The following NOD1 variants were observed in gnomAD, a reference collection of about 807,000 sequenced individuals.
NOD1 encodes nucleotide-binding oligomerization domain-containing protein 1.
NOD1 carries 70 observed loss-of-function variants against 81.2 expected under a neutral mutation model. That is an observed-to-expected ratio of 0.86 (90% CI 0.71 to 1.05). The LOEUF is 1.05. Ranked by LOEUF, NOD1 falls within the 50% of genes least tolerant of loss-of-function variation. The probability of loss-of-function intolerance (pLI) is 0.00; values close to 1 mark genes in which losing one functional copy is unlikely to be tolerated. For missense variants in NOD1, 1,233 were observed against 1,228.0 expected, an observed-to-expected ratio of 1.00 and a Z score of -0.06; for synonymous variants, 508 against 526.9, an observed-to-expected ratio of 0.96 and a Z score of 0.49.
chr7:30,425,656 C>T lies in NOD1; in HGVS notation c.2844G>A (p.Lys948=), dbSNP rs1783380398. 6.2e-7 allele frequency: 1 copy of T among 1,613,236 alleles called. No homozygotes were observed. The highest frequency in any genetic ancestry group is 8.5e-7 in the Non-Finnish European group (1 of 1,179,224). ...CATCCTCTCAGAAACAGATAATCCG[C>T]TTCTCATCTTCATAGACTTTGGCCT... The part of the protein sequence containing the change: ...PEEAKVYEDE[K]RIICF Residue 948 remains lysine, a synonymous_variant, in exon 14 of 14, where the codon AAG becomes AAA. Transcript: ENST00000222823.
chr7:30,453,082 G>C, intron 5 of NOD1, 42 bp from the exon 6 acceptor site: 2 of 1,562,040 alleles, frequency 1.3e-6, no homozygotes, highest in Non-Finnish European at 1.7e-6. Context: ...AGGGTGAGGA[G>C]AGAGGCAGAA....
At chr7:30,458,149 T>C (rs1018454049) in intron 3 of NOD1, among the ~76,000 whole-genome samples, 3 of 152,138 alleles carry the variant, frequency 2.0e-5, no homozygotes, top group Admixed American at 2.0e-4. Flanking sequence ...TAAAAAACAT[T>C]TGGGTTCATC....
chr7:30,458,510 A>G (rs1029293568), intron 3 of NOD1, among the ~76,000 whole-genome samples: 4 of 152,210 alleles, frequency 2.6e-5, no homozygotes, highest in Non-Finnish European at 4.4e-5. Flanking sequence ...CAAGTGGCAC[A>G]TGAGTCTCCT....
chr7:30,428,381 A>G (rs1017741310), intron 13 of NOD1: 1 of 152,014 alleles, frequency 6.6e-6, no homozygotes, highest in Non-Finnish European at 1.5e-5. Context: ...TTTTTAAAAA[A>G]AAACCTTTTG....
chr7:30,470,648 T>A (rs1164972225), intron 1 of NOD1, among the ~76,000 whole-genome samples: 3 of 152,240 alleles, frequency 2.0e-5, no homozygotes, highest in Admixed American at 2.0e-4. Flanking sequence ...AGAGCCCAGC[T>A]GTCAATGTCA....
At chr7:30,475,499 T>C (rs1788675722) in intron 1 of NOD1, among the ~76,000 whole-genome samples, 1 of 152,208 alleles carries the variant, frequency 6.6e-6, no homozygotes. Flanking sequence ...GAGAGTAACT[T>C]TTAATTTCCA....
intron 5 of NOD1, among the ~76,000 whole-genome samples, chr7:30,453,913 T>C (rs1323489566): frequency 6.6e-6 from 1 of 152,256 alleles, no homozygotes; most frequent in Non-Finnish European, 1.5e-5. Context: ...GTCTTTTGTG[T>C]GAGACTGCTT....
At chr7:30,461,634 C>T (rs1247330433) in intron 1 of NOD1, among the ~76,000 whole-genome samples, 2 of 152,254 alleles carry the variant, frequency 1.3e-5, no homozygotes, top group Non-Finnish European at 2.9e-5. Context: ...CTCAAGTGGA[C>T]AGTGCCACTC....
At chr7:30,472,437 G>A (rs1360224984) in intron 1 of NOD1, among the ~76,000 whole-genome samples, 1 of 152,328 alleles carries the variant, frequency 6.6e-6, no homozygotes, top group African/African-American at 2.4e-5. Context: ...CCTAATTCTA[G>A]TTCTGCTCTG....
intron 13 of NOD1, among the ~76,000 whole-genome samples, chr7:30,426,804 G>T (rs1783496103): frequency 1.3e-5 from 2 of 151,930 alleles, no homozygotes; most frequent in Non-Finnish European, 2.9e-5. Context: ...ACTCCCTCCT[G>T]CCCCAGACCC....
intron 9 of NOD1, among the ~76,000 whole-genome samples, chr7:30,439,164 G>A (rs1784647547): frequency 6.6e-6 from 1 of 152,188 alleles, no homozygotes; most frequent in Non-Finnish European, 1.5e-5. Context: ...GTGGAAAACA[G>A]TATGATGATT....
Position 30,436,095 on chromosome 7 carries a change from C to T in NOD1, c.2538-14G>A. 6.2e-7 allele frequency: 1 copy of T among 1,602,934 alleles called. No homozygotes were observed. The highest frequency in any genetic ancestry group is 8.5e-7 in the Non-Finnish European group (1 of 1,169,764). On this transcript the variant is annotated splice_polypyrimidine_tract_variant and intron_variant, in intron 10 of 13. Transcript: ENST00000222823. The stretch of plus-strand genomic sequence containing the variant: ...TTGGACGCAAGACTAGGAAGGAACA[C>T]ACTTGGGGTGAATTATTAAAGACAC...
intron 1 of NOD1, chr7:30,475,841 T>A (rs888489021): frequency 1.3e-5 from 2 of 152,228 alleles, no homozygotes; most frequent in Admixed American, 1.3e-4. Context: ...TGCCAGTGAC[T>A]ACTCACCTCT....
At chr7:30,448,131 A>T (rs1670476330) in intron 7 of NOD1, among the ~76,000 whole-genome samples, 167 bp downstream of exon 7, 2 of 152,220 alleles carry the variant, frequency 1.3e-5, no homozygotes, top group South Asian at 4.1e-4. Context: ...AGACTTCATG[A>T]CTGGCCGAGC....
chr7:30,462,395 G>A (rs778595677), intron 1 of NOD1, among the ~76,000 whole-genome samples: 7 of 148,974 alleles, frequency 4.7e-5, no homozygotes, highest in East Asian at 2.0e-4. Context: ...CTAGAAACCC[G>A]CCTTTTGAAA....
rs529163888 is a variant in NOD1, at chr7:30,453,047, G to T, written c.377-7C>A. 1.3e-6 allele frequency: 2 copies of T among 1,593,718 alleles called. No homozygotes were observed. Among genetic ancestry groups the T allele is most frequent in the African/African-American group, 2.7e-5 (2 of 74,754 alleles). ...TGCTGGGTATACCTGCTCACTGGAG[G>T]GAGGGGGTGGCAGGGCACAGCAGCA... On this transcript the variant is annotated splice_region_variant and splice_polypyrimidine_tract_variant and intron_variant, in intron 5 of 13. Coordinates refer to ENST00000222823, the MANE Select transcript of NOD1 (RefSeq NM_006092.4).
chr7:30,467,477 CTA>C lies in NOD1; in HGVS notation c.-351-7438_-351-7437del, dbSNP rs1787816192. ...TCAGCGACTGCCTTGTTTTGAGGAACTATGACTTTCAACTCAAAGGGCCCACC... is the reference window on the plus strand; with the variant it reads ...TCAGCGACTGCCTTGTTTTGAGGAACTGACTTTCAACTCAAAGGGCCCACC... On this transcript the variant is annotated intron_variant, in intron 1 of 13. Coordinates refer to ENST00000222823, the MANE Select transcript of NOD1 (RefSeq NM_006092.4). The surrounding 1 kb of genome is among the most constrained non-coding windows in gnomAD (Gnocchi z 4.5). 6.6e-6 allele frequency among the ~76,000 whole-genome samples: 1 copy of C among 152,108 alleles called. No homozygotes were observed. Among genetic ancestry groups the C allele is most frequent in the Admixed American group, 6.6e-5 (1 of 15,264 alleles).
chr7:30,455,864 A>T (rs1786310315), intron 4 of NOD1, among the ~76,000 whole-genome samples: 1 of 152,080 alleles, frequency 6.6e-6, no homozygotes, highest in Non-Finnish European at 1.5e-5. Context: ...GGCCTCCCAA[A>T]GTGCTGGGAT....
chr7:30,456,192 A>C (rs1786351484), intron 4 of NOD1, among the ~76,000 whole-genome samples: 1 of 152,202 alleles, frequency 6.6e-6, no homozygotes, highest in Admixed American at 6.5e-5. Context: ...CTAACCAAGA[A>C]GGAATTTGTG....
Sources: gnomAD v4.1 joint callset for allele counts (sites outside exome capture counted in the v4.1 genomes callset) on GRCh38, gnomAD v4.1.1 for gene constraint, Gnocchi (gnomAD v3.1) non-coding constraint, MANE v1.5 for transcripts, NCBI Gene and HGNC (gene_info 2026-07-23, HGNC 2026-07-21) for gene names.